Variants in SPATA6 observed in about 807,000 individuals in gnomAD.
SPATA6 encodes spermatogenesis-associated protein 6.
SPATA6 carries 56 observed loss-of-function variants against 65.3 expected under a neutral mutation model. The ratio of observed to expected loss-of-function variants is 0.86; its 90% CI spans 0.69 to 1.07. The LOEUF (loss-of-function observed/expected upper bound fraction) is 1.07. Among genes scored for constraint, SPATA6 ranks in the 50% least tolerant of loss-of-function variants. The pLI, the probability that SPATA6 is intolerant of heterozygous loss-of-function variation, is 0.00. For missense variants in SPATA6, 590 were observed against 594.8 expected, an observed-to-expected ratio of 0.99 and a Z score of 0.08; for synonymous variants, 199 against 213.2, an observed-to-expected ratio of 0.93 and a Z score of 0.58.
At chr1:48,298,993 A>G (rs777657964) in intron 12 of SPATA6, 100 bp from the exon 13 acceptor site, 226 of 1,177,188 alleles carry the variant, frequency 1.9e-4, no homozygotes, top group Non-Finnish European at 2.5e-4. Flanking sequence ...TGGCTATTTA[A>G]TTCTCTGCTG....
At chr1:48,332,913 CAAGAGAATCGCTCA>C (rs1645956282) in intron 11 of SPATA6, among the ~76,000 whole-genome samples, 1 of 152,094 alleles carries the variant, frequency 6.6e-6, no homozygotes, top group Non-Finnish European at 1.5e-5. Flanking sequence ...AAATCAAAGC[CAAGAGAATCGCTCA>C]AAACCATACA....
At chr1:48,453,265 G>A in intron 1 of SPATA6, 134 bp from the exon 2 acceptor site, 1 of 986,834 alleles carries the variant, frequency 1.0e-6, no homozygotes, top group East Asian at 2.8e-5. Flanking sequence ...AATAAAGAGA[G>A]AGAGACAGAG....
intron 7 of SPATA6, among the ~76,000 whole-genome samples, chr1:48,397,905 C>A (rs1242331509): frequency 6.6e-6 from 1 of 151,390 alleles, no homozygotes; most frequent in African/African-American, 2.4e-5. Context: ...AATAATAAAA[C>A]AAACATTTAA....
intron 1 of SPATA6, among the ~76,000 whole-genome samples, chr1:48,456,253 T>C (rs1197250222): frequency 6.6e-6 from 1 of 152,210 alleles, no homozygotes; most frequent in African/African-American, 2.4e-5. Flanking sequence ...AGAAGGCCAC[T>C]CTTTAGGAGA....
chr1:48,398,099 C>T (rs1351034602), intron 7 of SPATA6, among the ~76,000 whole-genome samples: 1 of 151,532 alleles, frequency 6.6e-6, no homozygotes, highest in African/African-American at 2.4e-5. Flanking sequence ...CATTCTAAAA[C>T]TGTCACCAAA....
chr1:48,464,475 A>G (rs568493157), intron 1 of SPATA6, among the ~76,000 whole-genome samples: 2 of 152,338 alleles, frequency 1.3e-5, no homozygotes, highest in South Asian at 2.1e-4. Context: ...TGCAACAAAG[A>G]TATATACAAG....
intron 11 of SPATA6, among the ~76,000 whole-genome samples, chr1:48,352,903 C>CAAAAAA (rs35929341): frequency 3.0e-5 from 4 of 133,334 alleles, no homozygotes; most frequent in African/African-American, 5.7e-5. Flanking sequence ...CTTTTAAATA[C>CAAAAAA]AAAAAAAAAA....
chr1:48,439,535 C>T (rs777597863), intron 3 of SPATA6, among the ~76,000 whole-genome samples: 9 of 152,116 alleles, frequency 5.9e-5, no homozygotes, highest in Non-Finnish European at 1.0e-4. Flanking sequence ...GGTCCAGGGA[C>T]CATTTGGGTT....
chr1:48,391,104 C>T lies in SPATA6; in HGVS notation c.868+4163G>A, dbSNP rs1018223748. Reference sequence around the variant, plus strand: ...GGACATCCGGACACGGTGCCTGATACTTGTAATCCCAGCACTTTGGGAGAC... The same window carrying T: ...GGACATCCGGACACGGTGCCTGATATTTGTAATCCCAGCACTTTGGGAGAC... On this transcript the variant is annotated intron_variant, in intron 8 of 12. Coordinates refer to ENST00000371847, the MANE Select transcript of SPATA6 (RefSeq NM_019073.4). Among the ~76,000 whole-genome samples the T allele has an allele frequency of 7.3e-5, 11 of 150,906 alleles. No homozygotes were observed. The East Asian group carries it at 1.8e-3, about 24-fold the overall frequency.
intron 11 of SPATA6, among the ~76,000 whole-genome samples, chr1:48,318,583 G>A (rs949424356): frequency 6.6e-6 from 1 of 151,994 alleles, no homozygotes; most frequent in Non-Finnish European, 1.5e-5. Context: ...GGCTTAAAAT[G>A]AACACTGAAC....
At chr1:48,261,759 G>A in the SPATA6 span, among the ~76,000 whole-genome samples, 1 of 151,968 alleles carries the variant, frequency 6.6e-6, no homozygotes, top group African/African-American at 2.4e-5. Flanking sequence ...ACAAAGAATT[G>A]CAATTTCTAT....
chr1:48,363,343 A>G (rs188693902), intron 9 of SPATA6, among the ~76,000 whole-genome samples: 16 of 152,236 alleles, frequency 1.1e-4, no homozygotes, highest in Non-Finnish European at 2.2e-4. Context: ...CAGAAGGGTT[A>G]TATTTCTTCA....
intron 3 of SPATA6, among the ~76,000 whole-genome samples, chr1:48,417,160 T>C (rs866365230): frequency 1.3e-5 from 2 of 152,202 alleles, no homozygotes; most frequent in South Asian, 2.1e-4. Context: ...ACTATGATGT[T>C]CATTATTTAA....
At chr1:48,328,026 C>A (rs2148721505) in intron 11 of SPATA6, among the ~76,000 whole-genome samples, 1 of 152,028 alleles carries the variant, frequency 6.6e-6, no homozygotes, top group South Asian at 2.1e-4. Flanking sequence ...ATTTTTAAAT[C>A]AGAAAATAAT....
intron 11 of SPATA6, among the ~76,000 whole-genome samples, chr1:48,339,879 A>G (rs1341073456): frequency 2.0e-5 from 3 of 151,970 alleles, no homozygotes; most frequent in Admixed American, 6.6e-5. Context: ...CCCAAGCAAT[A>G]TAAGTCATGA....
At chr1:48,356,510 CTTT>C (rs910154922) in intron 10 of SPATA6, among the ~76,000 whole-genome samples, 8 of 122,734 alleles carry the variant, frequency 6.5e-5, no homozygotes, top group African/African-American at 1.8e-4. Context: ...TTTGTCCTTT[CTTT>C]TTTTTTTTTT....
Position 48,365,328 on chromosome 1 carries a change from C to T in SPATA6, c.910-5558G>A, listed in dbSNP as rs181504569. On this transcript the variant is annotated intron_variant, in intron 9 of 12. Transcript: ENST00000371847. Reference sequence around the variant, plus strand: ...AACTTTAAAGTAGTTTTTTCCAATTCTATGAAGAAAGTCATTAGCAGCTTG... The same window carrying T: ...AACTTTAAAGTAGTTTTTTCCAATTTTATGAAGAAAGTCATTAGCAGCTTG... Among the ~76,000 whole-genome samples, 692 of 152,178 alleles carry T rather than the reference C, an allele frequency of 4.5e-3. 4 individuals are homozygous for T. Among genetic ancestry groups the T allele is most frequent in the African/African-American group, 0.015 (619 of 41,526 alleles).
chr1:48,462,709 T>C (rs1287892941), intron 1 of SPATA6, among the ~76,000 whole-genome samples: 1 of 152,186 alleles, frequency 6.6e-6, no homozygotes, highest in African/African-American at 2.4e-5. Context: ...TGGATAAGTA[T>C]CAGGACACAA....
intron 11 of SPATA6, among the ~76,000 whole-genome samples, chr1:48,354,755 AAT>A (rs59539983): frequency 0.025 from 3,740 of 151,914 alleles, 97 homozygotes; most frequent in African/African-American, 0.067. Context: ...GAAATTTGAT[AAT>A]GTTTACACTT....
Sources: allele counts gnomAD v4.1 joint callset (sites outside exome capture counted in the v4.1 genomes callset), GRCh38; gene constraint gnomAD v4.1.1; transcripts MANE v1.5; gene names NCBI Gene and HGNC (gene_info 2026-07-23, HGNC 2026-07-21).